IL17RD: variants seen among roughly 807,000 people sequenced by gnomAD.
IL17RD encodes the protein interleukin 17 receptor D.
IL17RD carries 52 observed loss-of-function variants against 80.5 expected under a neutral mutation model. The ratio of observed to expected loss-of-function variants is 0.65; its 90% CI spans 0.52 to 0.81. IL17RD has a LOEUF of 0.81. Among genes scored for constraint, IL17RD ranks in the 40% least tolerant of loss-of-function variants. The pLI is 0.00. For missense variants in IL17RD, 1,024 were observed against 955.1 expected (o/e 1.07, Z -0.95); for synonymous variants, 416 against 391.8 (o/e 1.06, Z -0.73).
At chr3:57,133,204 A>G (rs892769307) in intron 1 of IL17RD, among the ~76,000 whole-genome samples, 8 of 152,308 alleles carry the variant, frequency 5.3e-5, no homozygotes, top group African/African-American at 1.9e-4. Context: ...GTCAGTTCTG[A>G]CTTTTACCTT....
At chr3:57,164,915 G>T in intron 1 of IL17RD, 1 of 1,244,940 alleles carries the variant, frequency 8.0e-7, no homozygotes, top group Non-Finnish European at 1.0e-6. Context: ...GACCCCGGCC[G>T]GCGGCCGCAC....
At chr3:57,140,618 G>A (rs747962745) in intron 1 of IL17RD, among the ~76,000 whole-genome samples, 13 of 152,120 alleles carry the variant, frequency 8.5e-5, no homozygotes, top group Non-Finnish European at 1.2e-4. Flanking sequence ...CCATAGCCCC[G>A]AAAGGCTTAG....
intron 2 of IL17RD, among the ~76,000 whole-genome samples, chr3:57,118,309 C>A (rs1043078309): frequency 1.3e-5 from 2 of 152,204 alleles, no homozygotes; most frequent in Non-Finnish European, 2.9e-5. Flanking sequence ...CACTGGTTAG[C>A]CTAAAATAGC....
At chr3:57,108,662 C>T (rs965207513) in intron 5 of IL17RD, among the ~76,000 whole-genome samples, 1 of 151,780 alleles carries the variant, frequency 6.6e-6, no homozygotes. Flanking sequence ...ACTACAGGCG[C>T]ACACCATGAC....
intron 3 of IL17RD, among the ~76,000 whole-genome samples, chr3:57,113,561 G>C (rs191551850): frequency 6.6e-6 from 1 of 152,032 alleles, no homozygotes; most frequent in South Asian, 2.1e-4. Flanking sequence ...AAGAGACAGG[G>C]TCTCTCACTC....
intron 3 of IL17RD, among the ~76,000 whole-genome samples, chr3:57,112,518 G>T (rs186289338): frequency 2.0e-5 from 3 of 152,280 alleles, no homozygotes; most frequent in African/African-American, 7.2e-5. Context: ...ACTGGTCGAT[G>T]TTCAGTTTTC....
intron 1 of IL17RD, among the ~76,000 whole-genome samples, chr3:57,135,406 A>G (rs1707705111): frequency 2.0e-5 from 3 of 152,248 alleles, no homozygotes; most frequent in Non-Finnish European, 2.9e-5. Context: ...AGATTCCCTA[A>G]GAGTGGGTTT....
At chr3:57,112,465 A>G (rs1707121184) in intron 3 of IL17RD, among the ~76,000 whole-genome samples, 1 of 151,800 alleles carries the variant, frequency 6.6e-6, no homozygotes, top group Admixed American at 6.6e-5. Flanking sequence ...AGCCACCCCC[A>G]CCCATAAATC....
In IL17RD at chr3:57,098,097, T is replaced by C. The variant is rs755501056; in HGVS notation, c.1606A>G (p.Ser536Gly). The C allele has an allele frequency of 1.9e-5, 30 of 1,613,778 alleles. No homozygotes were observed. The highest frequency in any genetic ancestry group is 3.3e-4 in the Middle Eastern group (2 of 6,084). Residue 536 changes from serine (S) to glycine (G), a missense_variant, in exon 12 of 13, where the codon AGC becomes GGC. Ser to Gly is a moderately conservative substitution (Grantham distance 56). Transcript: ENST00000296318. ...ACGTATAGGGACCGGCCTGACTTGCTCCGGAAGTAGTTCCTTCTGCTGCCC... is the reference window on the plus strand; with the variant it reads ...ACGTATAGGGACCGGCCTGACTTGCCCCGGAAGTAGTTCCTTCTGCTGCCC... ...RQGSRRNYFR[S>G]KSGRSLYVAI...
In IL17RD at chr3:57,096,495, T is replaced by C; in HGVS notation, c.2118A>G (p.Glu706=). Residue 706 remains glutamate, a synonymous_variant, in exon 13 of 13, where the codon GAA becomes GAG. Coordinates refer to ENST00000296318, the MANE Select transcript of IL17RD (RefSeq NM_017563.5). ...VSSSSGLGEE[E]PPALPSKLLS... ...GGAGCTTGGAAGGAAGGGCAGGAGG[T>C]TCCTCCTCACCTAAGGAGAGAAGAG... 2.5e-6 allele frequency: 4 copies of C among 1,609,856 alleles called. No individual in the cohort carries two copies. Among genetic ancestry groups the C allele is most frequent in the Non-Finnish European group, 3.4e-6 (4 of 1,176,600 alleles).
intron 1 of IL17RD, 115 bp from the exon 2 acceptor site, chr3:57,120,428 C>T (rs1295665054): frequency 6.9e-6 from 5 of 720,096 alleles, no homozygotes; most frequent in South Asian, 4.7e-5. Context: ...CATGCCAGTC[C>T]CCGGACATCA....
At chr3:57,122,648 T>C (rs1053730424) in intron 1 of IL17RD, among the ~76,000 whole-genome samples, 1 of 151,598 alleles carries the variant, frequency 6.6e-6, no homozygotes, top group African/African-American at 2.4e-5. Context: ...CCCCAGTGCA[T>C]GGAAAAATTG....
At chr3:57,109,779 C>T in intron 4 of IL17RD, 122 bp from the exon 5 acceptor site, 4 of 1,004,376 alleles carry the variant, frequency 4.0e-6, no homozygotes, top group Non-Finnish European at 5.9e-6. Flanking sequence ...AGGACATGTT[C>T]CAGGGAAGCA....
chr3:57,160,576 C>T (rs528269225), intron 1 of IL17RD, among the ~76,000 whole-genome samples: 13 of 152,230 alleles, frequency 8.5e-5, no homozygotes, highest in Non-Finnish European at 1.2e-4. Context: ...TCCCCCGCCC[C>T]GCTTCCCTGC....
At chr3:57,116,326 C>T (rs1202172702) in intron 2 of IL17RD, among the ~76,000 whole-genome samples, 3 of 147,678 alleles carry the variant, frequency 2.0e-5, no homozygotes, top group African/African-American at 5.0e-5. Context: ...TCTTGTTGCC[C>T]GGGCTGGAGT....
At chr3:57,139,213 T>TGA (rs1707785345) in intron 1 of IL17RD, among the ~76,000 whole-genome samples, 1 of 152,058 alleles carries the variant, frequency 6.6e-6, no homozygotes, top group Non-Finnish European at 1.5e-5. Flanking sequence ...TTGGGCTTTG[T>TGA]GAGACTACCC....
At chr3:57,126,436 C>G (rs1559476309) in intron 1 of IL17RD, among the ~76,000 whole-genome samples, 1 of 152,164 alleles carries the variant, frequency 6.6e-6, no homozygotes, top group Non-Finnish European at 1.5e-5. Context: ...AATTCAAAAG[C>G]TAAAAACCCA....
intron 9 of IL17RD, 93 bp from the exon 10 acceptor site, chr3:57,102,682 A>C: frequency 1.8e-6 from 1 of 570,024 alleles, no homozygotes; most frequent in Non-Finnish European, 3.1e-6. Flanking sequence ...AAGCCGCATA[A>C]CAGGTTCTAG....
chr3:57,109,759 C>A, intron 4 of IL17RD, 102 bp from the exon 5 acceptor site: 1 of 1,156,400 alleles, frequency 8.6e-7, no homozygotes, highest in South Asian at 1.5e-5. Context: ...AGACACAACT[C>A]CAGAGCTGCA....
Sources: allele counts gnomAD v4.1 joint callset (sites outside exome capture counted in the v4.1 genomes callset), GRCh38; gene constraint gnomAD v4.1.1; transcripts MANE v1.5; gene names NCBI Gene and HGNC (gene_info 2026-07-23, HGNC 2026-07-21).